The following IGFN1 variants were observed in gnomAD, a reference collection of about 807,000 sequenced individuals.
IGFN1 encodes the protein immunoglobulin-like and fibronectin type III domain-containing protein 1.
A neutral mutation model predicts 289.5 loss-of-function variants in IGFN1; 253 were observed. The ratio of observed to expected loss-of-function variants is 0.87; its 90% CI spans 0.79 to 0.97. IGFN1 has a LOEUF of 0.97. IGFN1 is among the 50% of genes least tolerant of loss of function. The probability of loss-of-function intolerance (pLI) is 0.00; values close to 1 mark genes in which losing one functional copy is unlikely to be tolerated. For synonymous variants in IGFN1, 1,706 were observed against 1,788.5 expected (o/e 0.95, Z 1.16); for missense variants, 4,470 against 4,686.1 (o/e 0.95, Z 1.35).
rs1208592964 is a variant in IGFN1 at position 201,224,681 on chromosome 1, C to A, written c.10293C>A (p.Ala3431=). Residue 3431 remains alanine, a splice_region_variant and synonymous_variant, in exon 21 of 24, where the codon GCC becomes GCA. Transcript: ENST00000335211. The stretch of plus-strand genomic sequence containing the variant: ...TTTTCCTTCCTCTCCTTTCTCAGGC[C>A]ATGCCCATGCCTGAGGTGACCTGGC... ...DTVRVPVSFE[A]MPMPEVTWLK... 1 of 1,613,634 alleles carries A rather than the reference C, an allele frequency of 6.2e-7. No homozygotes were observed. The highest frequency in any genetic ancestry group is 1.7e-5 in the Admixed American group (1 of 59,986).
intron 5 of IGFN1, among the ~76,000 whole-genome samples, chr1:201,198,426 G>A (rs1388182598): frequency 1.3e-5 from 2 of 149,976 alleles, no homozygotes; most frequent in African/African-American, 4.9e-5. Flanking sequence ...ATGAGCCACT[G>A]TGCTTGGCCT....
chr1:201,192,668 A>T (rs919320181), intron 1 of IGFN1, among the ~76,000 whole-genome samples: 1 of 152,154 alleles, frequency 6.6e-6, no homozygotes, highest in Non-Finnish European at 1.5e-5. Context: ...TTGTGACTGG[A>T]AGGATTCTAG....
chr1:201,226,181 G>T (rs1372819866), intron 22 of IGFN1, 58 bp downstream of exon 22: 6 of 1,479,786 alleles, frequency 4.1e-6, no homozygotes, highest in Non-Finnish European at 5.4e-6. Context: ...CTGCAATGCA[G>T]TGGGATGCAC....
rs1375301446 is a variant in IGFN1 at position 201,190,836 on chromosome 1, G to A, written c.-119G>A. The A allele has an allele frequency of 6.6e-6, 1 of 152,488 alleles. No homozygotes were observed. 9.4% of individuals were successfully genotyped at this position (152,488 alleles called of 1,614,324 possible). Reference sequence around the variant, plus strand: ...CCTGTCCACTACCAGTCAATCCAGAGCCTCAGCAAGCAGCAGCTGGAAACG... The same window carrying A: ...CCTGTCCACTACCAGTCAATCCAGAACCTCAGCAAGCAGCAGCTGGAAACG... On this transcript the variant is annotated 5_prime_UTR_variant, in exon 1 of 24. Transcript: ENST00000335211.
rs1426677173 is a variant in IGFN1 at position 201,205,359 on chromosome 1, G to A, written c.1189+5G>A. On this transcript the variant is annotated splice_donor_5th_base_variant and intron_variant, in intron 11 of 23. Coordinates refer to ENST00000335211, the MANE Select transcript of IGFN1 (RefSeq NM_001164586.2). ...GCGCCTGGCTGGTGGTTGAAGGTGA[G>A]TGCTTCAAAACTCTGTCTTTCTCTG... is the stretch of plus-strand genomic sequence containing the variant. The A allele has an allele frequency of 3.9e-6, 6 of 1,526,736 alleles. No homozygotes were observed. The highest frequency in any genetic ancestry group is 2.0e-5 in the Admixed American group (1 of 49,930). 94.6% of individuals were successfully genotyped at this position (1,526,736 alleles called of 1,614,324 possible).
intron 17 of IGFN1, 47 bp from the exon 18 acceptor site, chr1:201,218,483 T>A (rs910802752): frequency 6.3e-7 from 1 of 1,583,950 alleles, no homozygotes; most frequent in Admixed American, 1.7e-5. Context: ...TATCTCCCCA[T>A]GTCCAGCACC....
At position 201,213,209 on chromosome 1, in the gene IGFN1, G is replaced by C. The variant is rs1327140280; in HGVS notation, c.8316G>C (p.Lys2772Asn). The C allele has an allele frequency of 6.4e-7, 1 of 1,551,722 alleles. No individual in the cohort carries two copies. The part of the protein sequence containing the change: ...SQRGKGQRGG[K>N]RSLGEQGSLE... ...GAGGCAAGGGACAGAGAGGAGGAAA[G>C]AGGTCCCTCGGGGAGCAGGGGTCCC... The change falls in exon 12 of 24, where the codon AAG becomes AAC. Residue 2772 changes from lysine to asparagine, a missense_variant. Coordinates refer to ENST00000335211, the MANE Select transcript of IGFN1 (RefSeq NM_001164586.2).
At position 201,226,054 on chromosome 1, in the gene IGFN1, G is replaced by A. The variant is rs955562679; in HGVS notation, c.10717G>A (p.Ala3573Thr). 6.9e-6 allele frequency: 11 copies of A among 1,600,516 alleles called. No individual in the cohort carries two copies. The highest frequency in any genetic ancestry group is 2.7e-5 in the African/African-American group (2 of 74,686). Residue 3573 changes from alanine (A) to threonine (T), a missense_variant, in exon 22 of 24, where the codon GCC (alanine) becomes ACC (threonine). Ala to Thr is a moderately conservative substitution (Grantham distance 58). Coordinates refer to ENST00000335211, the MANE Select transcript of IGFN1 (RefSeq NM_001164586.2). ...CCACGAATACCACTTCAGGGTGGTG[G>A]CCAAGAATGAGCTGGGGGCCAGCAA... ...PGHEYHFRVV[A>T]KNELGASKPS...
intron 8 of IGFN1, among the ~76,000 whole-genome samples, chr1:201,200,976 T>C (rs1667126804): frequency 6.6e-6 from 1 of 151,976 alleles, no homozygotes; most frequent in Non-Finnish European, 1.5e-5. Context: ...GGACTACAGG[T>C]GCCTGCCACC....
intron 10 of IGFN1, 71 bp from the exon 11 acceptor site, chr1:201,205,011 C>T (rs1667337613): frequency 4.2e-6 from 6 of 1,432,990 alleles, no homozygotes; most frequent in Non-Finnish European, 5.6e-6. Flanking sequence ...TCTGAATGGC[C>T]AGCCTTGCTG....
chr1:201,194,230 G>A lies in IGFN1; in HGVS notation c.84G>A (p.Thr28=), dbSNP rs542939183. Residue 28 remains threonine (T), a synonymous_variant, in exon 3 of 24, where the codon ACG becomes ACA. Coordinates refer to ENST00000335211, the MANE Select transcript of IGFN1 (RefSeq NM_001164586.2). ...AGGAGATCCCTGAAGGCTGCAGCACGCCGGACTTTGAGCAGAAGCCCGTCA... is the reference window on the plus strand; with the variant it reads ...AGGAGATCCCTGAAGGCTGCAGCACACCGGACTTTGAGCAGAAGCCCGTCA... The part of the protein sequence containing the change: ...LVEEIPEGCS[T]PDFEQKPVTS... 42 of 1,551,596 alleles carry A rather than the reference G, an allele frequency of 2.7e-5. No homozygotes were observed. The highest frequency in any genetic ancestry group is 2.4e-4 in the East Asian group (10 of 40,902).
chr1:201,208,458 CCT>C lies in IGFN1; in HGVS notation c.3566_3567del (p.Pro1189ArgfsTer26). ...GAGYRDDTRH[P>X]ESLAPHNGAA... is the part of the protein sequence containing the mutation. Reference sequence around the variant, plus strand: ...TGGTTATAGGGATGATACCAGGCACCCTGAGTCACTCGCACCTCACAATGGGG... The same window carrying C: ...TGGTTATAGGGATGATACCAGGCACCGAGTCACTCGCACCTCACAATGGGG... On this transcript the variant is annotated frameshift_variant, in exon 12 of 24. Transcript: ENST00000335211. LOFTEE classifies it high-confidence loss of function. The C allele has an allele frequency of 1.4e-6, 2 of 1,445,730 alleles. No homozygotes were observed. The highest frequency in any genetic ancestry group is 1.8e-6 in the Non-Finnish European group (2 of 1,106,394). 89.6% of individuals were successfully genotyped at this position (1,445,730 alleles called of 1,614,324 possible).
At chr1:201,193,181 T>G in intron 1 of IGFN1, 66 bp from the exon 2 acceptor site, 1 of 757,204 alleles carries the variant, frequency 1.3e-6, no homozygotes, top group Non-Finnish European at 2.3e-6. Context: ...GATGCACTGA[T>G]GGTGTGGGAG....
At chr1:201,213,717 C>T (rs1667955430) in intron 12 of IGFN1, 96 bp downstream of exon 12, 1 of 1,048,094 alleles carries the variant, frequency 9.5e-7, no homozygotes, top group Non-Finnish European at 1.4e-6. Context: ...GTTCTGCCTC[C>T]AGCCCCAGGA....
intron 8 of IGFN1, among the ~76,000 whole-genome samples, chr1:201,201,186 A>T (rs1424395495): frequency 6.6e-6 from 1 of 152,042 alleles, no homozygotes; most frequent in Non-Finnish European, 1.5e-5. Context: ...TCCCATTAGC[A>T]CTCTGATCCC....
chr1:201,215,501 T>A, intron 14 of IGFN1, 38 bp from the exon 15 acceptor site: 1 of 1,509,042 alleles, frequency 6.6e-7, no homozygotes, highest in African/African-American at 1.4e-5. Context: ...AGGTGCCCAG[T>A]GCCCTGGTCT....
intron 20 of IGFN1, among the ~76,000 whole-genome samples, chr1:201,224,168 G>A (rs1653930269): frequency 6.6e-6 from 1 of 152,170 alleles, no homozygotes; most frequent in South Asian, 2.1e-4. Flanking sequence ...ACCCTGCTCA[G>A]GGTCACCACA....
chr1:201,194,096 G>A (rs1666775619), intron 2 of IGFN1, 58 bp from the exon 3 acceptor site: 12 of 1,539,284 alleles, frequency 7.8e-6, no homozygotes, highest in Non-Finnish European at 1.1e-5. Context: ...TCTGTTGAAG[G>A]GCCACCCAGG....
chr1:201,193,521 A>G (rs761762838), intron 2 of IGFN1, among the ~76,000 whole-genome samples: 11 of 152,016 alleles, frequency 7.2e-5, no homozygotes, highest in Non-Finnish European at 1.2e-4. Flanking sequence ...ACGCGATCTC[A>G]GCTCACTGCA....
Sources: gnomAD v4.1 joint callset for allele counts (sites outside exome capture counted in the v4.1 genomes callset) on GRCh38, gnomAD v4.1.1 for gene constraint, MANE v1.5 for transcripts, NCBI Gene and HGNC (gene_info 2026-07-23, HGNC 2026-07-21) for gene names.